The following SDK1 variants were observed in gnomAD, a reference collection of about 807,000 sequenced individuals.
The protein encoded by SDK1 is protein sidekick-1.
SDK1 carries 157 observed loss-of-function variants against 245.5 expected under a neutral mutation model. The ratio of observed to expected loss-of-function variants is 0.64; its 90% confidence interval spans 0.56 to 0.73. SDK1 has a LOEUF of 0.73. SDK1 is among the 30% of genes least tolerant of loss of function. The pLI, the probability that SDK1 is intolerant of heterozygous loss-of-function variation, is 0.00. For synonymous variants in SDK1, 1,647 were observed against 1,278.5 expected (o/e 1.29, Z -6.15); for missense variants, 3,583 against 3,002.3 (o/e 1.19, Z -4.52).
Position 4,265,690 on chromosome 7 carries a change from G to A in SDK1, c.*306G>A. 8.7e-7 allele frequency: 1 copy of A among 1,155,452 alleles called. No homozygotes were observed. Among genetic ancestry groups the A allele is most frequent in the Non-Finnish European group, 1.1e-6 (1 of 943,072 alleles). 71.6% of individuals were successfully genotyped at this position (1,155,452 alleles called of 1,614,324 possible). ...CCTGGGAGGACCTCAGACCTCCCCA[G>A]CCCTGGGTTTCTCCGTCTTCAAGAC... On this transcript the variant is annotated 3_prime_UTR_variant, in exon 45 of 45. Coordinates refer to ENST00000404826, the MANE Select transcript of SDK1 (RefSeq NM_152744.4).
At chr7:3,457,800 G>T (rs1255311290) in intron 1 of SDK1, among the ~76,000 whole-genome samples, 2 of 152,028 alleles carry the variant, frequency 1.3e-5, no homozygotes, top group African/African-American at 4.8e-5. Flanking sequence ...CTCCTTTGTT[G>T]TTACCCTGAT....
At chr7:3,810,136 G>A (rs1214936939) in intron 4 of SDK1, among the ~76,000 whole-genome samples, 1 of 152,120 alleles carries the variant, frequency 6.6e-6, no homozygotes, top group Admixed American at 6.5e-5. Flanking sequence ...GAGTATCCTG[G>A]GGAGAGGAGG....
rs181917821 is a variant in SDK1 at position 3,436,728 on chromosome 7, C to G, written c.298+134844C>G. On this transcript the variant is annotated intron_variant, in intron 1 of 44. Transcript: ENST00000404826. ...TTAAAAGAAGTAATTGCCACTAAATCGTGAAGAATGTTTAAATTAGAACAG... is the reference window on the plus strand; with the variant it reads ...TTAAAAGAAGTAATTGCCACTAAATGGTGAAGAATGTTTAAATTAGAACAG... Among the ~76,000 whole-genome samples, 195 of 152,154 alleles carry G rather than the reference C, an allele frequency of 1.3e-3. 4 individuals carry two copies. Among genetic ancestry groups the G allele is most frequent in the African/African-American group, 4.6e-3 (189 of 41,494 alleles).
At chr7:3,390,439 A>G (rs750992698) in intron 1 of SDK1, among the ~76,000 whole-genome samples, 11 of 152,218 alleles carry the variant, frequency 7.2e-5, no homozygotes, top group Admixed American at 2.0e-4. Flanking sequence ...ATTGTGCACA[A>G]TTGATCTGGA....
At position 4,148,319 on chromosome 7, in the gene SDK1, A is replaced by G. The variant is rs575498819; in HGVS notation, c.4424-943A>G. On this transcript the variant is annotated intron_variant, in intron 29 of 44. Coordinates refer to ENST00000404826, the MANE Select transcript of SDK1 (RefSeq NM_152744.4). Reference sequence around the variant, plus strand: ...TCAGAATCAATAATCTTCATGATAAACAATTAAACAATTATTCCTTCCGCC... The same window carrying G: ...TCAGAATCAATAATCTTCATGATAAGCAATTAAACAATTATTCCTTCCGCC... 3.3e-5 allele frequency among the ~76,000 whole-genome samples: 5 copies of G among 151,180 alleles called. No individual in the cohort carries two copies. The South Asian group carries it at 1.0e-3, about 31-fold the overall frequency.
chr7:4,099,790 G>A (rs1240700454), intron 22 of SDK1, among the ~76,000 whole-genome samples: 1 of 151,086 alleles, frequency 6.6e-6, no homozygotes, highest in Non-Finnish European at 1.5e-5. Flanking sequence ...GGCCCAAGGG[G>A]AGCCGCAGCT....
chr7:3,768,196 A>C (rs1780308325), intron 4 of SDK1, among the ~76,000 whole-genome samples: 1 of 152,214 alleles, frequency 6.6e-6, no homozygotes, highest in Non-Finnish European at 1.5e-5. Context: ...TCTTTAAAGC[A>C]GCGTTGAATA....
intron 5 of SDK1, among the ~76,000 whole-genome samples, chr7:3,850,168 C>G (rs553833851): frequency 6.6e-6 from 1 of 152,298 alleles, no homozygotes; most frequent in Admixed American, 6.5e-5. Context: ...GGACCCACCC[C>G]CCTTCGAGTC....
chr7:4,001,293 C>G (rs73673221), intron 14 of SDK1, among the ~76,000 whole-genome samples: 3 of 152,206 alleles, frequency 2.0e-5, no homozygotes, highest in African/African-American at 2.4e-5. Context: ...CACCCAAGAT[C>G]GAGTTCCCCA....
chr7:4,081,634 G>C (rs917546113), intron 22 of SDK1, among the ~76,000 whole-genome samples: 4 of 151,972 alleles, frequency 2.6e-5, no homozygotes, highest in African/African-American at 9.7e-5. Context: ...TAGCCAGGAT[G>C]GTCTGGATCT....
rs118094412 is a variant in SDK1, at chr7:4,024,945, G to A, written c.2602+7593G>A. On this transcript the variant is annotated intron_variant, in intron 17 of 44. Coordinates refer to ENST00000404826, the MANE Select transcript of SDK1 (RefSeq NM_152744.4). ...TGGGCGTGCTTCTCACTCTGCCGCC[G>A]TAGAGGGTGGGTTTGCAGTGGTTTC... Among the ~76,000 whole-genome samples, 1,413 of 152,196 alleles carry A rather than the reference G, an allele frequency of 9.3e-3. 14 individuals are homozygous for A. Among genetic ancestry groups the A allele is most frequent in the African/African-American group, 0.018 (745 of 41,528 alleles).
Position 4,067,921 on chromosome 7 carries a change from A to C in SDK1, c.2995A>C (p.Asn999His). ...CAGCTGGCAGGAGCCCCTGGAGAAA[A>C]ATGGCATCATTACTGGTAAGTAGGC... ...KVSWQEPLEK[N>H]GIITGYQISW... Residue 999 changes from asparagine (N) to histidine (H), a missense_variant, in exon 20 of 45, where the codon AAT becomes CAT. Coordinates refer to ENST00000404826, the MANE Select transcript of SDK1 (RefSeq NM_152744.4). 1 of 1,611,462 alleles carries C rather than the reference A, an allele frequency of 6.2e-7. No individual in the cohort carries two copies. Among genetic ancestry groups the C allele is most frequent in the Non-Finnish European group, 8.5e-7 (1 of 1,178,542 alleles).
intron 1 of SDK1, among the ~76,000 whole-genome samples, chr7:3,438,063 TTAAG>T (rs1253601618): frequency 6.6e-6 from 1 of 152,168 alleles, no homozygotes; most frequent in Non-Finnish European, 1.5e-5. Context: ...CTTGGAATAA[TTAAG>T]TTATTTACAG....
At position 4,079,865 on chromosome 7, in the gene SDK1, G is replaced by A. The variant is rs144475922; in HGVS notation, c.3324+281G>A. Among the ~76,000 whole-genome samples, 772 of 152,258 alleles carry A rather than the reference G, an allele frequency of 5.1e-3. 8 individuals carry two copies. Among genetic ancestry groups the A allele is most frequent in the African/African-American group, 0.017 (724 of 41,518 alleles). On this transcript the variant is annotated intron_variant, in intron 22 of 44. Coordinates refer to ENST00000404826, the MANE Select transcript of SDK1 (RefSeq NM_152744.4). Reference sequence around the variant, plus strand: ...TAGGTACCCAAAATTGGATAGTGTCGTTGATTGAGTTTTTAAAAATTCTAT... The same window carrying A: ...TAGGTACCCAAAATTGGATAGTGTCATTGATTGAGTTTTTAAAAATTCTAT...
chr7:4,215,713 A>G (rs1024920321), intron 38 of SDK1, among the ~76,000 whole-genome samples: 2 of 152,232 alleles, frequency 1.3e-5, no homozygotes, highest in Admixed American at 1.3e-4. Flanking sequence ...TTTGGTTCAC[A>G]GCCGTGCATG....
At chr7:3,777,671 C>T (rs1175821002) in intron 4 of SDK1, among the ~76,000 whole-genome samples, 1 of 152,148 alleles carries the variant, frequency 6.6e-6, no homozygotes, top group Non-Finnish European at 1.5e-5. Flanking sequence ...CACATATTTT[C>T]GATTGACCAC....
chr7:3,938,645 C>CAAAAAA (rs559065786), intron 5 of SDK1, among the ~76,000 whole-genome samples: 22 of 90,594 alleles, frequency 2.4e-4, no homozygotes, highest in African/African-American at 9.1e-4. Flanking sequence ...GACTCCGTCT[C>CAAAAAA]AAAAAAAAAA....
chr7:4,194,788 C>G (rs1012053341), intron 35 of SDK1, among the ~76,000 whole-genome samples: 3 of 152,158 alleles, frequency 2.0e-5, no homozygotes, highest in African/African-American at 7.2e-5. Context: ...AAATGTTAAT[C>G]TCTTTTGGCA....
At chr7:3,352,752 G>A (rs1214686870) in intron 1 of SDK1, among the ~76,000 whole-genome samples, 1 of 151,958 alleles carries the variant, frequency 6.6e-6, no homozygotes. Flanking sequence ...CTGTGTTGGT[G>A]ACCTAGGGAA....
Sources: gnomAD v4.1 joint callset for allele counts (sites outside exome capture counted in the v4.1 genomes callset) on GRCh38, gnomAD v4.1.1 for gene constraint, MANE v1.5 for transcripts, NCBI Gene and HGNC (gene_info 2026-07-23, HGNC 2026-07-21) for gene names.